SLC35F3: variants seen among roughly 807,000 people sequenced by gnomAD.
SLC35F3 encodes solute carrier family 35 member F3.
A neutral mutation model predicts 49.9 loss-of-function variants in SLC35F3; 25 were observed. The observed-to-expected ratio is 0.50, with a 90% CI of 0.37 to 0.70. SLC35F3 has a LOEUF of 0.70. Ranked by LOEUF, SLC35F3 falls within the 30% of genes least tolerant of loss-of-function variation. SLC35F3 has a pLI of 0.00. For synonymous variants in SLC35F3, 275 were observed against 265.4 expected, an observed-to-expected ratio of 1.04 and a Z score of -0.35; for missense variants, 525 against 639.8, an observed-to-expected ratio of 0.82 and a Z score of 1.94.
At chr1:234,054,510 C>G (rs1351535403) in intron 2 of SLC35F3, among the ~76,000 whole-genome samples, 2 of 152,206 alleles carry the variant, frequency 1.3e-5, no homozygotes, top group Non-Finnish European at 2.9e-5. Flanking sequence ...AAGGTCTTCT[C>G]TATGCTGTTT....
At chr1:234,294,561 G>A (rs950373883) in intron 3 of SLC35F3, among the ~76,000 whole-genome samples, 5 of 152,170 alleles carry the variant, frequency 3.3e-5, no homozygotes, top group Admixed American at 6.5e-5. Flanking sequence ...TACGGAAGTC[G>A]GAGCTCTGAC....
chr1:234,220,281 T>A (rs192000875), intron 2 of SLC35F3, among the ~76,000 whole-genome samples: 1 of 152,054 alleles, frequency 6.6e-6, no homozygotes, highest in East Asian at 1.9e-4. Context: ...TCCAAGATGC[T>A]TTCATTTCAG....
chr1:234,169,172 T>TGTCCTTTC (rs1666361746), intron 2 of SLC35F3, among the ~76,000 whole-genome samples: 1 of 152,212 alleles, frequency 6.6e-6, no homozygotes, highest in East Asian at 1.9e-4. Context: ...TTTTCTTCTA[T>TGTCCTTTC]TCCAGCCTTC....
rs571067947 is a variant in SLC35F3 at position 234,099,770 on chromosome 1, T to A, written c.284-131647T>A. 2.6e-5 allele frequency among the ~76,000 whole-genome samples: 4 copies of A among 152,286 alleles called. No homozygotes were observed. The East Asian group carries it at 7.7e-4, about 29-fold the overall frequency. On this transcript the variant is annotated intron_variant, in intron 2 of 7. Transcript: ENST00000366618. ...TGTGATGCACCCTGCACAATGAGGTTGAATAGCTACTGGATAACTGAAGGA... is the reference window on the plus strand; with the variant it reads ...TGTGATGCACCCTGCACAATGAGGTAGAATAGCTACTGGATAACTGAAGGA...
At chr1:234,048,670 TG>T (rs1291249818) in intron 2 of SLC35F3, among the ~76,000 whole-genome samples, 2 of 152,234 alleles carry the variant, frequency 1.3e-5, no homozygotes, top group Admixed American at 1.3e-4. Flanking sequence ...CCTAGTAGCT[TG>T]GGGTTGGAAC....
At chr1:233,978,050 G>A (rs1454921502) in intron 2 of SLC35F3, among the ~76,000 whole-genome samples, 1 of 152,198 alleles carries the variant, frequency 6.6e-6, no homozygotes, top group Non-Finnish European at 1.5e-5. Context: ...CCTGCATCCA[G>A]TAAAGTATTT....
At chr1:234,145,611 T>A (rs1665984669) in intron 2 of SLC35F3, among the ~76,000 whole-genome samples, 1 of 152,138 alleles carries the variant, frequency 6.6e-6, no homozygotes, top group Non-Finnish European at 1.5e-5. Flanking sequence ...TGAACCTGTA[T>A]AGACTTTTTT....
At position 234,100,436 on chromosome 1, in the gene SLC35F3, T is replaced by TA. The variant is rs1445121496; in HGVS notation, c.284-130976dup. On this transcript the variant is annotated intron_variant, in intron 2 of 7. Transcript: ENST00000366618. ...TGTGGTATTTTTGAGTGAAACTCGC[T>TA]AAAAAGGCAGAGAGGTAGCCAAGAA... Among the ~76,000 whole-genome samples, 4 of 152,248 alleles carry TA rather than the reference T, an allele frequency of 2.6e-5. No homozygotes were observed. The East Asian group carries it at 5.8e-4, about 22-fold the overall frequency.
chr1:234,004,951 A>T (rs1663607568), intron 2 of SLC35F3, among the ~76,000 whole-genome samples: 1 of 152,204 alleles, frequency 6.6e-6, no homozygotes, highest in Non-Finnish European at 1.5e-5. Context: ...AGAAGCAATA[A>T]TCTTTAGATA....
In SLC35F3 at chr1:233,938,309, G is replaced by T. The variant is rs1571987517; in HGVS notation, c.283+32551G>T. ...TTCAATTTGTCCCTCTGTCTTCATT[G>T]TACTGGCTTAAGATTTACAGGAATC... On this transcript the variant is annotated intron_variant, in intron 2 of 7. Transcript: ENST00000366618. 3.3e-5 allele frequency among the ~76,000 whole-genome samples: 5 copies of T among 152,148 alleles called. No individual in the cohort carries two copies. In the South Asian group the frequency reaches 1.0e-3, roughly 31 times the overall value.
chr1:233,905,711 G>A lies in SLC35F3; in HGVS notation c.236G>A (p.Arg79His), dbSNP rs111543981. 6 of 1,614,178 alleles carry A rather than the reference G, an allele frequency of 3.7e-6. No individual in the cohort carries two copies. Among genetic ancestry groups the A allele is most frequent in the South Asian group, 1.1e-5 (1 of 91,086 alleles). ...ACGTCCATCGAGGAGCGGATCCTGCGCATCACTGGCTACTATGGCTACCAG... is the reference window on the plus strand; with the variant it reads ...ACGTCCATCGAGGAGCGGATCCTGCACATCACTGGCTACTATGGCTACCAG... ...GLTSIEERIL[R>H]ITGYYGYQPW... Residue 79 changes from arginine (R) to histidine (H), a missense_variant, in exon 2 of 8, where the codon CGC (arginine) becomes CAC (histidine). By Grantham distance (29) the Arg-to-His change is conservative. This residue lies in a region of SLC35F3 where 228 missense variants were observed against 218.9 expected (regional missense o/e 1.04). Transcript: ENST00000366618.
intron 2 of SLC35F3, among the ~76,000 whole-genome samples, chr1:234,200,050 T>C (rs1432302139): frequency 2.0e-5 from 3 of 152,198 alleles, no homozygotes; most frequent in Non-Finnish European, 4.4e-5. Flanking sequence ...TGTAAATTAA[T>C]ATCACCATTT....
At chr1:234,067,286 T>C (rs1009672396) in intron 2 of SLC35F3, among the ~76,000 whole-genome samples, 2 of 152,238 alleles carry the variant, frequency 1.3e-5, no homozygotes, top group Non-Finnish European at 2.9e-5. Flanking sequence ...TGTCGCTACC[T>C]TTAGCATACT....
chr1:233,984,428 G>A (rs921216963), intron 2 of SLC35F3, among the ~76,000 whole-genome samples: 1 of 152,206 alleles, frequency 6.6e-6, no homozygotes, highest in Admixed American at 6.5e-5. Flanking sequence ...CCTCCCTGAT[G>A]GCTTGCAAGT....
At chr1:234,308,363 C>T (rs900347733) in intron 3 of SLC35F3, among the ~76,000 whole-genome samples, 1 of 152,162 alleles carries the variant, frequency 6.6e-6, no homozygotes, top group African/African-American at 2.4e-5. Context: ...CTTGTCCAAC[C>T]CCCGTCCCAC....
intron 2 of SLC35F3, among the ~76,000 whole-genome samples, chr1:234,126,363 T>G (rs1419444262): frequency 6.6e-6 from 1 of 152,222 alleles, no homozygotes; most frequent in Non-Finnish European, 1.5e-5. Context: ...TACAGAGAGA[T>G]CTCAGTTACC....
intron 4 of SLC35F3, among the ~76,000 whole-genome samples, chr1:234,315,329 C>T (rs1246831992): frequency 2.6e-5 from 4 of 152,202 alleles, no homozygotes; most frequent in East Asian, 1.9e-4. Flanking sequence ...TTTCACTAAC[C>T]TAAACATCTT....
chr1:233,958,375 G>A (rs548401177), intron 2 of SLC35F3, among the ~76,000 whole-genome samples: 1 of 152,232 alleles, frequency 6.6e-6, no homozygotes, highest in East Asian at 1.9e-4. Flanking sequence ...TTTTTCCTTA[G>A]GGCTAGCAAG....
intron 2 of SLC35F3, among the ~76,000 whole-genome samples, chr1:234,004,772 A>G (rs1270369285): frequency 6.6e-6 from 1 of 152,070 alleles, no homozygotes; most frequent in African/African-American, 2.4e-5. Flanking sequence ...AAATCAGGTA[A>G]TTTTCTGATA....
Sources: gnomAD v4.1 joint callset for allele counts (sites outside exome capture counted in the v4.1 genomes callset) on GRCh38, gnomAD v4.1.1 for gene constraint, gnomAD v4.1.1 regional missense constraint, MANE v1.5 for transcripts, NCBI Gene and HGNC (gene_info 2026-07-23, HGNC 2026-07-21) for gene names.